DNAJC27: variants seen among roughly 807,000 people sequenced by gnomAD.
DNAJC27 encodes the protein dnaJ homolog subfamily C member 27.
In DNAJC27, 25 loss-of-function variants were observed where a neutral mutation model predicts 31.4. The observed-to-expected ratio is 0.80, with a 90% confidence interval of 0.58 to 1.11. The LOEUF (loss-of-function observed/expected upper bound fraction) is 1.11, where lower values mean the gene tolerates loss of function less well. Ranked by LOEUF, DNAJC27 falls within the 50% of genes most tolerant of loss-of-function variation. The pLI is 0.00. For synonymous variants in DNAJC27, 106 were observed against 112.7 expected, an observed-to-expected ratio of 0.94 and a Z score of 0.37; for missense variants, 356 against 347.3, an observed-to-expected ratio of 1.02 and a Z score of -0.20.
At chr2:24,956,055 T>C (rs1665896876) in intron 5 of DNAJC27, among the ~76,000 whole-genome samples, 1 of 152,246 alleles carries the variant, frequency 6.6e-6, no homozygotes, top group South Asian at 2.1e-4. Context: ...CAACTTTATT[T>C]GATCTTGAAA....
chr2:24,960,820 GGTTCA>G (rs1488225001), intron 3 of DNAJC27, among the ~76,000 whole-genome samples: 1 of 152,218 alleles, frequency 6.6e-6, no homozygotes, highest in African/African-American at 2.4e-5. Context: ...AGCAGTTGTT[GGTTCA>G]TGAGGTTTAG....
chr2:24,964,278 C>T lies in DNAJC27; in HGVS notation c.171-804G>A, dbSNP rs776070181. Among the ~76,000 whole-genome samples, 7 of 151,916 alleles carry T rather than the reference C, an allele frequency of 4.6e-5. No individual in the cohort carries two copies. The South Asian group carries it at 1.2e-3, about 27-fold the overall frequency. On this transcript the variant is annotated intron_variant, in intron 2 of 6. Transcript: ENST00000264711. ...TACTAAAAAAATAAAAAAAATTAGC[C>T]GGGCGTGGTGGTGGGCACCTGTAGT...
chr2:24,954,712 C>T (rs549365382), intron 5 of DNAJC27, among the ~76,000 whole-genome samples: 11 of 152,258 alleles, frequency 7.2e-5, no homozygotes, highest in Non-Finnish European at 1.0e-4. Flanking sequence ...CCGAGGCGGG[C>T]GGATCACGAG....
intron 2 of DNAJC27, among the ~76,000 whole-genome samples, chr2:24,964,735 T>C (rs1161705909): frequency 6.6e-6 from 1 of 152,210 alleles, no homozygotes; most frequent in Non-Finnish European, 1.5e-5. Flanking sequence ...AGAAACAAAA[T>C]AGTCTGTTGA....
chr2:24,955,837 T>C (rs1052845317), intron 5 of DNAJC27, among the ~76,000 whole-genome samples: 1 of 152,242 alleles, frequency 6.6e-6, no homozygotes, highest in Non-Finnish European at 1.5e-5. Context: ...ACAAATCACT[T>C]TACTACCCTT....
chr2:24,954,336 AGATATTGCCTTAACCCCTCATTAATT>A (rs1323964876), intron 5 of DNAJC27, among the ~76,000 whole-genome samples: 5 of 152,180 alleles, frequency 3.3e-5, no homozygotes, highest in Non-Finnish European at 5.9e-5. Flanking sequence ...GTCAGAGTGG[AGATATTGCCTTAACCCCTCATTAATT>A]GCCCCACCAT....
At chr2:24,971,991 G>GCCGCTGCTCTCGTCA (rs1238479327), upstream of DNAJC27, 2 of 968,278 alleles carry the variant, frequency 2.1e-6, no homozygotes, top group African/African-American at 1.7e-5. Context: ...CAATGGCGGA[G>GCCGCTGCTCTCGTCA]CCGCTGCTCT....
intron 1 of DNAJC27, among the ~76,000 whole-genome samples, chr2:24,970,567 C>T (rs1210863502): frequency 6.7e-6 from 1 of 150,008 alleles, no homozygotes; most frequent in Non-Finnish European, 1.5e-5. Context: ...CCGGCTTAAG[C>T]GATTCTCCCG....
chr2:24,951,471 T>A lies in DNAJC27; in HGVS notation c.612A>T (p.Glu204Asp), dbSNP rs1406860248. 1 of 1,613,922 alleles carries A rather than the reference T, an allele frequency of 6.2e-7. No homozygotes were observed. The highest frequency in any genetic ancestry group is 1.7e-5 in the Admixed American group (1 of 59,980). The change falls in exon 6 of 7, where the codon GAA (glutamate) becomes GAT (aspartate). Residue 204 changes from glutamate to aspartate, a missense_variant. Coordinates refer to ENST00000264711, the MANE Select transcript of DNAJC27 (RefSeq NM_016544.3). ...GAATTCTGCGAATGGCATCTGCTTG[T>A]TCTTTGGTGAAACTAGCACTGCTAT... ...TTNSSASFTK[E>D]QADAIRRIRN... is the part of the protein sequence containing the mutation.
Position 24,945,122 on chromosome 2 carries a change from GAAGT to G in DNAJC27, c.*2490_*2493del, listed in dbSNP as rs1320091445. ...CATAGATGTCTGTGAAATTCTGCAT[GAAGT>G]TAGTGCCAAAAAAACCTTTCCATTG... On this transcript the variant is annotated 3_prime_UTR_variant, in exon 7 of 7. Transcript: ENST00000264711. 1 of 152,176 alleles carries G rather than the reference GAAGT, an allele frequency of 6.6e-6. No homozygotes were observed. The highest frequency in any genetic ancestry group is 2.4e-5 in the African/African-American group (1 of 41,452). 9.4% of individuals were successfully genotyped at this position (152,176 alleles called of 1,614,324 possible).
Position 24,944,689 on chromosome 2 carries a change from T to C in DNAJC27, c.*2927A>G, listed in dbSNP as rs573530701. 1.3e-5 allele frequency: 2 copies of C among 152,658 alleles called. No individual in the cohort carries two copies. Among genetic ancestry groups the C allele is most frequent in the East Asian group, 1.9e-4 (1 of 5,188 alleles). 9.5% of individuals were successfully genotyped at this position (152,658 alleles called of 1,614,324 possible). ...TAAGAAAACTAAGGACACATTGATA[T>C]AGAGAAATAAAATAACAATGCTGAA... On this transcript the variant is annotated 3_prime_UTR_variant, in exon 7 of 7. Coordinates refer to ENST00000264711, the MANE Select transcript of DNAJC27 (RefSeq NM_016544.3).
At position 24,945,971 on chromosome 2, in the gene DNAJC27, A is replaced by G. The variant is rs993534391; in HGVS notation, c.*1645T>C. ...AGCTTTTTAAAATTCACAGGACAGG[A>G]AGATTTTATATACTTTCAAGCCCCA... On this transcript the variant is annotated 3_prime_UTR_variant, in exon 7 of 7. Coordinates refer to ENST00000264711, the MANE Select transcript of DNAJC27 (RefSeq NM_016544.3). 1.3e-5 allele frequency: 2 copies of G among 152,188 alleles called. No individual in the cohort carries two copies. Among genetic ancestry groups the G allele is most frequent in the Non-Finnish European group, 2.9e-5 (2 of 68,032 alleles). The allele number at this position is 152,188 out of a possible 1,614,324, so 9.4% of individuals were successfully genotyped here. A position where few individuals can be genotyped will look rare whatever the true frequency, so the allele number is the denominator to read the frequency against.
chr2:24,955,608 A>G (rs1665886531), intron 5 of DNAJC27, among the ~76,000 whole-genome samples: 1 of 152,252 alleles, frequency 6.6e-6, no homozygotes, highest in African/African-American at 2.4e-5. Flanking sequence ...AATGAAGAGA[A>G]TCACATCTTG....
At chr2:24,953,057 T>C (rs1169050335) in intron 5 of DNAJC27, among the ~76,000 whole-genome samples, 3 of 152,236 alleles carry the variant, frequency 2.0e-5, no homozygotes, top group African/African-American at 2.4e-5. Context: ...GGCTACACTT[T>C]TCTGATTTTT....
intron 2 of DNAJC27, among the ~76,000 whole-genome samples, chr2:24,964,252 C>T (rs564793929): frequency 5.9e-5 from 9 of 151,660 alleles, no homozygotes; most frequent in Non-Finnish European, 1.3e-4. Flanking sequence ...AACCCCGTCC[C>T]TACTAAAAAA....
chr2:24,947,454 A>G lies in DNAJC27; in HGVS notation c.*162T>C. The G allele has an allele frequency of 1.3e-6, 1 of 799,284 alleles. No individual in the cohort carries two copies. Among genetic ancestry groups the G allele is most frequent in the South Asian group, 2.1e-5 (1 of 48,558 alleles). 49.5% of individuals were successfully genotyped at this position (799,284 alleles called of 1,614,324 possible). On this transcript the variant is annotated 3_prime_UTR_variant, in exon 7 of 7. Coordinates refer to ENST00000264711, the MANE Select transcript of DNAJC27 (RefSeq NM_016544.3). Reference sequence around the variant, plus strand: ...ACAAATGCAGGTCATTTCTCAGTAAAATGTCTATGAAATGGGTACCTGAAT... The same window carrying G: ...ACAAATGCAGGTCATTTCTCAGTAAGATGTCTATGAAATGGGTACCTGAAT...
Position 24,957,044 on chromosome 2 carries a change from TG to T in DNAJC27, c.526del (p.Gln176ArgfsTer7). ...TAAAACAACAAAATGCTAGCTTACC[TG>T]GAACATCTCATTAATGCCTTCTCCA... is the stretch of plus-strand genomic sequence containing the variant. The part of the protein sequence containing the change: ...QTGEGINEMF[Q>X]TFYISIVDLC... On this transcript the variant is annotated frameshift_variant and splice_region_variant, in exon 5 of 7. Coordinates refer to ENST00000264711, the MANE Select transcript of DNAJC27 (RefSeq NM_016544.3). LOFTEE classifies it high-confidence loss of function. 1 of 1,606,310 alleles carries T rather than the reference TG, an allele frequency of 6.2e-7. No individual in the cohort carries two copies. Among genetic ancestry groups the T allele is most frequent in the Non-Finnish European group, 8.5e-7 (1 of 1,177,466 alleles).
intron 5 of DNAJC27, among the ~76,000 whole-genome samples, chr2:24,956,548 C>A (rs79125262): frequency 2.0e-5 from 3 of 152,298 alleles, no homozygotes; most frequent in East Asian, 1.9e-4. Context: ...TAGGATTATA[C>A]TAGCGGTGGC....
At chr2:24,962,757 C>A (rs1361844988) in intron 3 of DNAJC27, among the ~76,000 whole-genome samples, 1 of 152,002 alleles carries the variant, frequency 6.6e-6, no homozygotes, top group Non-Finnish European at 1.5e-5. Context: ...TAAGATCCCA[C>A]CTCAAGAATC....
Sources: allele counts gnomAD v4.1 joint callset (sites outside exome capture counted in the v4.1 genomes callset), GRCh38; gene constraint gnomAD v4.1.1; transcripts MANE v1.5; gene names NCBI Gene and HGNC (gene_info 2026-07-23, HGNC 2026-07-21).